Variants in DNER observed in about 807,000 individuals in gnomAD.
DNER encodes delta/notch like EGF repeat containing.
DNER carries 33 observed loss-of-function variants against 78.2 expected under a neutral mutation model. The observed-to-expected ratio is 0.42, with a 90% confidence interval of 0.32 to 0.56. The LOEUF is 0.56. DNER is among the 20% of genes least tolerant of loss of function. The pLI, the probability that DNER is intolerant of heterozygous loss-of-function variation, is 0.11. For synonymous variants in DNER, 417 were observed against 384.8 expected, an observed-to-expected ratio of 1.08 and a Z score of -0.98; for missense variants, 918 against 975.3, an observed-to-expected ratio of 0.94 and a Z score of 0.78.
intron 1 of DNER, among the ~76,000 whole-genome samples, chr2:229,630,418 G>A (rs4972906): frequency 0.19 from 28,614 of 151,210 alleles, 2,901 homozygotes; most frequent in South Asian, 0.28. Context: ...AGAGGTTGCA[G>A]TGAGCCGAGA....
In DNER at chr2:229,494,504, C is replaced by T. The variant is rs147290744; in HGVS notation, c.1148-17251G>A. 3.0e-3 allele frequency among the ~76,000 whole-genome samples: 461 copies of T among 152,318 alleles called. 2 individuals are homozygous for T. The highest frequency in any genetic ancestry group is 0.011 in the African/African-American group (437 of 41,562). On this transcript the variant is annotated intron_variant, in intron 6 of 12. Coordinates refer to ENST00000341772, the MANE Select transcript of DNER (RefSeq NM_139072.4). ...CAAAATCCATCAGAACGTAACAGCT[C>T]AAGAGCAATCCTCTTTGGTATGATG...
chr2:229,539,374 TG>T (rs1696469612), intron 5 of DNER, among the ~76,000 whole-genome samples: 1 of 152,196 alleles, frequency 6.6e-6, no homozygotes, highest in Admixed American at 6.5e-5. Flanking sequence ...CAAAGATCCA[TG>T]GGTTCAAATT....
chr2:229,636,910 T>C (rs1181852215), intron 1 of DNER, among the ~76,000 whole-genome samples: 2 of 152,170 alleles, frequency 1.3e-5, no homozygotes, highest in Non-Finnish European at 2.9e-5. Context: ...TGATCTTGAA[T>C]AAAGTTGCAG....
intron 8 of DNER, among the ~76,000 whole-genome samples, chr2:229,439,842 TC>T (rs201310650): frequency 0.06 from 9,093 of 152,246 alleles, 546 homozygotes; most frequent in African/African-American, 0.15. Flanking sequence ...TTTGCAACTT[TC>T]ATTCCAGGCA....
At chr2:229,388,220 G>A (rs1239366474) in intron 11 of DNER, 45 bp downstream of exon 11, 2 of 1,573,380 alleles carry the variant, frequency 1.3e-6, no homozygotes, top group African/African-American at 2.7e-5. Flanking sequence ...TTAAGTAACA[G>A]CTATAAATGT....
intron 9 of DNER, among the ~76,000 whole-genome samples, chr2:229,417,623 G>A (rs1013900450): frequency 2.0e-5 from 3 of 151,478 alleles, no homozygotes; most frequent in African/African-American, 4.8e-5. Flanking sequence ...GGGTTAGAAC[G>A]GGGTCCACAC....
At chr2:229,503,862 C>A (rs1316901505) in intron 6 of DNER, among the ~76,000 whole-genome samples, 1 of 152,126 alleles carries the variant, frequency 6.6e-6, no homozygotes, top group African/African-American at 2.4e-5. Context: ...CCACTTCAGC[C>A]TCCTGAGTAG....
At chr2:229,669,770 A>T (rs1699175868) in intron 1 of DNER, among the ~76,000 whole-genome samples, 1 of 152,252 alleles carries the variant, frequency 6.6e-6, no homozygotes, top group African/African-American at 2.4e-5. Flanking sequence ...GAGAATACAC[A>T]TTCTTACTAC....
chr2:229,671,530 C>G (rs911187388), intron 1 of DNER, among the ~76,000 whole-genome samples: 5 of 152,172 alleles, frequency 3.3e-5, no homozygotes, highest in African/African-American at 1.2e-4. Flanking sequence ...CTCCCTCCAC[C>G]CCCAAACTAG....
intron 8 of DNER, among the ~76,000 whole-genome samples, chr2:229,427,007 T>A (rs1200135903): frequency 6.6e-6 from 1 of 152,230 alleles, no homozygotes; most frequent in African/African-American, 2.4e-5. Context: ...TTATTGCTCA[T>A]GGCAACTAAG....
At chr2:229,699,830 A>G (rs1339982332) in intron 1 of DNER, among the ~76,000 whole-genome samples, 1 of 152,222 alleles carries the variant, frequency 6.6e-6, no homozygotes, top group Non-Finnish European at 1.5e-5. Context: ...AAAATTGATC[A>G]GCTTCCCCAT....
intron 1 of DNER, among the ~76,000 whole-genome samples, chr2:229,710,428 T>C (rs1326368504): frequency 6.6e-6 from 1 of 152,172 alleles, no homozygotes; most frequent in Non-Finnish European, 1.5e-5. Flanking sequence ...CAGTGTGACA[T>C]TGGGACAGTC....
At position 229,714,300 on chromosome 2, in the gene DNER, G is replaced by A. The variant is rs11552881; in HGVS notation, c.124C>T (p.Leu42=). Residue 42 remains leucine, a synonymous_variant, in exon 1 of 13, where the codon CTG becomes TTG. Transcript: ENST00000341772. The stretch of plus-strand genomic sequence containing the variant: ...GCGGCGCACGGCCCGGGCGCAGACA[G>A]GGGCGCGGCGGGCACCGGGTTGGCC... ...SLANPVPAAP[L]SAPGPCAAQP... is the part of the protein sequence containing the mutation. 167,096 of 1,306,540 alleles carry A rather than the reference G, an allele frequency of 0.13. 11,263 individuals are homozygous for A. The highest frequency in any genetic ancestry group is 0.21 in the African/African-American group (13,805 of 65,004). The allele number at this position is 1,306,540 out of a possible 1,614,324, so 80.9% of individuals were successfully genotyped here.
chr2:229,528,184 A>G (rs140364015), intron 5 of DNER, among the ~76,000 whole-genome samples: 25 of 152,366 alleles, frequency 1.6e-4, no homozygotes, highest in Non-Finnish European at 2.9e-4. Context: ...TCTGTTGGCC[A>G]GAAGGGTCCC....
chr2:229,554,266 C>T (rs571986723), intron 4 of DNER, among the ~76,000 whole-genome samples: 4 of 152,278 alleles, frequency 2.6e-5, no homozygotes, highest in South Asian at 2.1e-4. Context: ...AGTAGTATGA[C>T]GTTCAATTCA....
At chr2:229,488,468 C>G (rs1238223939) in intron 6 of DNER, among the ~76,000 whole-genome samples, 1 of 152,148 alleles carries the variant, frequency 6.6e-6, no homozygotes, top group African/African-American at 2.4e-5. Flanking sequence ...TATGAGTGCA[C>G]ATGTGTGTTG....
intron 1 of DNER, among the ~76,000 whole-genome samples, chr2:229,623,157 C>A (rs139303275): frequency 8.5e-5 from 13 of 152,200 alleles, no homozygotes; most frequent in Middle Eastern, 3.4e-3. Flanking sequence ...CTCCCTATTG[C>A]GCAATAGTCC....
chr2:229,543,195 C>A (rs879837743), intron 5 of DNER, among the ~76,000 whole-genome samples: 2 of 152,086 alleles, frequency 1.3e-5, no homozygotes, highest in Non-Finnish European at 2.9e-5. Context: ...AAGCTGCTAC[C>A]CCTGATGGAG....
rs1179184006 is a variant in DNER, at chr2:229,495,701, C to T, written c.1147+17082G>A. On this transcript the variant is annotated intron_variant, in intron 6 of 12. Transcript: ENST00000341772. ...TTATCTAGAGACATCCTCATAGACA[C>T]ACCCAGAATAATGTTTGACCAAATG... 2.6e-5 allele frequency among the ~76,000 whole-genome samples: 4 copies of T among 152,358 alleles called. No homozygotes were observed. In the East Asian group the frequency reaches 5.8e-4, roughly 22 times the overall value.
Sources: allele counts gnomAD v4.1 joint callset (sites outside exome capture counted in the v4.1 genomes callset), GRCh38; gene constraint gnomAD v4.1.1; transcripts MANE v1.5; gene names NCBI Gene and HGNC (gene_info 2026-07-23, HGNC 2026-07-21).